Variants in RASGRF1 observed in about 807,000 individuals in gnomAD.
RASGRF1 encodes the protein Ras protein specific guanine nucleotide releasing factor 1.
Under a neutral mutation model 138.7 loss-of-function variants are expected in RASGRF1, and 40 were observed. That is an observed-to-expected ratio of 0.29 (90% CI 0.22 to 0.38). The LOEUF (loss-of-function observed/expected upper bound fraction) is 0.38. Ranked by LOEUF, RASGRF1 falls within the 10% of genes least tolerant of loss-of-function variation. The pLI, the probability that RASGRF1 is intolerant of heterozygous loss-of-function variation, is 1.00. For missense variants in RASGRF1, 1,108 were observed against 1,650.4 expected, an observed-to-expected ratio of 0.67 and a Z score of 5.69; for synonymous variants, 614 against 663.2, an observed-to-expected ratio of 0.93 and a Z score of 1.14.
chr15:79,021,079 C>T (rs1408287891), intron 10 of RASGRF1, among the ~76,000 whole-genome samples: 2 of 152,186 alleles, frequency 1.3e-5, no homozygotes. Context: ...GATACCCCGG[C>T]CCCAGTTGAA....
intron 26 of RASGRF1, among the ~76,000 whole-genome samples, chr15:78,967,490 A>G (rs2141589291): frequency 6.6e-6 from 1 of 152,300 alleles, no homozygotes; most frequent in South Asian, 2.1e-4. Context: ...TCGAGGCTAC[A>G]GTGAGCCAAG....
chr15:79,064,740 A>G, intron 1 of RASGRF1: 1 of 546,710 alleles, frequency 1.8e-6, no homozygotes, highest in South Asian at 2.3e-5. Context: ...TATGCTTAGG[A>G]TATTGTAAGA....
In RASGRF1 at chr15:79,032,857, G is replaced by A. The variant is rs2057161389; in HGVS notation, c.959-541C>T. ...CCCTCTGCCTGTCCCCGTGCCCTATGGTGCTATGGCCTAGGACACTCCCCA... is the reference window on the plus strand; with the variant it reads ...CCCTCTGCCTGTCCCCGTGCCCTATAGTGCTATGGCCTAGGACACTCCCCA... On this transcript the variant is annotated intron_variant, in intron 6 of 26. Transcript: ENST00000558480. The surrounding 1 kb of genome is among the most constrained non-coding windows in gnomAD (Gnocchi z 4.5). Among the ~76,000 whole-genome samples the A allele has an allele frequency of 6.6e-6, 1 of 152,112 alleles. No homozygotes were observed. The highest frequency in any genetic ancestry group is 2.1e-4 in the South Asian group (1 of 4,822).
Position 79,020,237 on chromosome 15 carries a change from A to G in RASGRF1, c.1543-133T>C, listed in dbSNP as rs1027957462. ...TACACACAGATGTATGGATGGATAT[A>G]TTATATGCCAAGTGGGTATTTTGCT... On this transcript the variant is annotated intron_variant, in intron 10 of 26. Coordinates refer to ENST00000558480, the MANE Select transcript of RASGRF1 (RefSeq NM_001145648.3). 45 of 786,848 alleles carry G rather than the reference A, an allele frequency of 5.7e-5. 1 individual carries two copies. Among genetic ancestry groups the G allele is most frequent in the South Asian group, 2.7e-4 (16 of 58,518 alleles). The allele number at this position is 786,848 out of a possible 1,614,324, so 48.7% of individuals were successfully genotyped here. A position where few individuals can be genotyped will look rare whatever the true frequency, so the allele number is the denominator to read the frequency against.
At chr15:79,014,463 A>G (rs1218486835) in intron 13 of RASGRF1, among the ~76,000 whole-genome samples, 1 of 152,260 alleles carries the variant, frequency 6.6e-6, no homozygotes, top group Admixed American at 6.5e-5. Flanking sequence ...ACCGGAGACT[A>G]TTATTCTAAG....
chr15:78,970,621 C>CAAAAAAAAAAA (rs55689628), intron 26 of RASGRF1, among the ~76,000 whole-genome samples: 13 of 57,886 alleles, frequency 2.2e-4, no homozygotes, highest in Admixed American at 4.3e-4. Flanking sequence ...GACTCTGTCT[C>CAAAAAAAAAAA]AAAAAAAAAA....
chr15:78,991,675 T>C lies in RASGRF1; in HGVS notation c.3131+16A>G. ...TGAGGAAGCGGGGGGAGGCGGGTGG[T>C]GCCTGCAACACTTACTCATAAGGAA... On this transcript the variant is annotated intron_variant, in intron 21 of 26. Coordinates refer to ENST00000558480, the MANE Select transcript of RASGRF1 (RefSeq NM_001145648.3). 1 of 1,602,246 alleles carries C rather than the reference T, an allele frequency of 6.2e-7. No individual in the cohort carries two copies.
intron 10 of RASGRF1, among the ~76,000 whole-genome samples, chr15:79,023,522 C>T (rs1240813127): frequency 2.0e-5 from 3 of 152,188 alleles, no homozygotes; most frequent in African/African-American, 4.8e-5. Flanking sequence ...ACAGGCTTTA[C>T]AGCAGAGGTA....
At chr15:79,007,132 T>C (rs2056695084) in intron 13 of RASGRF1, among the ~76,000 whole-genome samples, 1 of 152,274 alleles carries the variant, frequency 6.6e-6, no homozygotes, top group African/African-American at 2.4e-5. Flanking sequence ...CTATTTGATC[T>C]GCTAGCAGCT....
intron 10 of RASGRF1, among the ~76,000 whole-genome samples, chr15:79,021,801 G>T (rs2056965111): frequency 6.6e-6 from 1 of 152,200 alleles, no homozygotes; most frequent in South Asian, 2.1e-4. Context: ...TCAGTGGGCT[G>T]TTCTGGGAAT....
intron 5 of RASGRF1, among the ~76,000 whole-genome samples, chr15:79,035,436 G>C (rs1265214158): frequency 2.0e-5 from 3 of 152,250 alleles, no homozygotes; most frequent in African/African-American, 7.2e-5. Flanking sequence ...ATTCCCAGAT[G>C]GTGACAGCAC....
intron 3 of RASGRF1, among the ~76,000 whole-genome samples, chr15:79,056,007 T>C (rs2057505613): frequency 6.6e-6 from 1 of 152,122 alleles, no homozygotes; most frequent in Non-Finnish European, 1.5e-5. Flanking sequence ...TGCTCTCACA[T>C]GGTGAGCTGA....
intron 1 of RASGRF1, among the ~76,000 whole-genome samples, chr15:79,086,522 C>T (rs1002342712): frequency 6.6e-6 from 1 of 151,640 alleles, no homozygotes; most frequent in South Asian, 2.1e-4. Context: ...AGGAGTGGGG[C>T]TTTGTCTTGT....
At chr15:79,024,868 C>T (rs2057022039) in intron 10 of RASGRF1, among the ~76,000 whole-genome samples, 1 of 150,598 alleles carries the variant, frequency 6.6e-6, no homozygotes, top group Admixed American at 6.6e-5. Flanking sequence ...CACATACAGA[C>T]ACACACACAT....
At chr15:79,047,125 A>T (rs1304321706) in intron 4 of RASGRF1, 126 bp from the exon 5 acceptor site, 2 of 1,196,290 alleles carry the variant, frequency 1.7e-6, no homozygotes, top group African/African-American at 3.0e-5. Context: ...GGCATGTAGC[A>T]AAAAGAGCTC....
chr15:79,029,675 C>T (rs2057109968), intron 8 of RASGRF1, among the ~76,000 whole-genome samples: 1 of 151,948 alleles, frequency 6.6e-6, no homozygotes, highest in Non-Finnish European at 1.5e-5. Context: ...CTGAGCGCAG[C>T]CTAGGAGGGG....
intron 13 of RASGRF1, among the ~76,000 whole-genome samples, chr15:79,015,045 A>G (rs1461027345): frequency 6.6e-6 from 1 of 152,144 alleles, no homozygotes; most frequent in African/African-American, 2.4e-5. Flanking sequence ...ACAAACCACC[A>G]CTAAAGAACT....
At chr15:79,031,608 G>A (rs1172316938) in intron 7 of RASGRF1, 99 bp from the exon 8 acceptor site, 1 of 294,888 alleles carries the variant, frequency 3.4e-6, no homozygotes. Flanking sequence ...GAGAGAGAGA[G>A]AAAGAGGGAG....
At chr15:78,976,815 G>A (rs2055882447) in intron 24 of RASGRF1, among the ~76,000 whole-genome samples, 1 of 152,236 alleles carries the variant, frequency 6.6e-6, no homozygotes, top group Admixed American at 6.5e-5. Flanking sequence ...GTCCAGTCTT[G>A]CCCTTGGCAG....
Sources: allele counts gnomAD v4.1 joint callset (sites outside exome capture counted in the v4.1 genomes callset), GRCh38; gene constraint gnomAD v4.1.1; non-coding constraint Gnocchi (gnomAD v3.1); transcripts MANE v1.5; gene names NCBI Gene and HGNC (gene_info 2026-07-23, HGNC 2026-07-21).